FRMD3: variants seen among roughly 807,000 people sequenced by gnomAD.
FRMD3 encodes the protein FERM domain containing 3.
In FRMD3, 33 loss-of-function variants were observed where a neutral mutation model predicts 70.2. The ratio of observed to expected loss-of-function variants is 0.47; its 90% confidence interval spans 0.36 to 0.63. FRMD3 has a LOEUF of 0.63. Ranked by LOEUF, FRMD3 falls within the 20% of genes least tolerant of loss-of-function variation. FRMD3 has a pLI of 0.00. For missense variants in FRMD3, 632 were observed against 711.4 expected (o/e 0.89, Z 1.27); for synonymous variants, 279 against 255.9 (o/e 1.09, Z -0.86).
intron 4 of FRMD3, among the ~76,000 whole-genome samples, chr9:83,346,993 G>A (rs1823985173): frequency 6.6e-6 from 1 of 152,190 alleles, no homozygotes; most frequent in Non-Finnish European, 1.5e-5. Flanking sequence ...CAAATACCAT[G>A]AAGTTTCTTT....
At chr9:83,252,090 G>A (rs1321220578) in intron 13 of FRMD3, among the ~76,000 whole-genome samples, 1 of 152,068 alleles carries the variant, frequency 6.6e-6, no homozygotes, top group Non-Finnish European at 1.5e-5. Context: ...CTCCAAGTTC[G>A]AAATGAAAGA....
intron 13 of FRMD3, among the ~76,000 whole-genome samples, chr9:83,273,961 G>A (rs888472875): frequency 6.6e-6 from 1 of 152,056 alleles, no homozygotes; most frequent in Non-Finnish European, 1.5e-5. Context: ...AGGACTGTAA[G>A]TACACGCCAT....
rs1175048770 is a variant in FRMD3, at chr9:83,245,445, A to G, written c.*2473T>C. 2.0e-6 allele frequency: 2 copies of G among 985,190 alleles called. No individual in the cohort carries two copies. The highest frequency in any genetic ancestry group is 3.5e-5 in the African/African-American group (2 of 57,234). The allele number at this position is 985,190 out of a possible 1,614,324, so 61.0% of individuals were successfully genotyped here. ...CTTTTGATGGCTGTTTAAATTCAGCAGACCCTATTCTGTCAACTTCTTCAC... is the reference window on the plus strand; with the variant it reads ...CTTTTGATGGCTGTTTAAATTCAGCGGACCCTATTCTGTCAACTTCTTCAC... On this transcript the variant is annotated 3_prime_UTR_variant, in exon 14 of 14. Coordinates refer to ENST00000304195, the MANE Select transcript of FRMD3 (RefSeq NM_174938.6).
At chr9:83,372,694 G>A (rs766831228) in intron 3 of FRMD3, among the ~76,000 whole-genome samples, 16 of 152,060 alleles carry the variant, frequency 1.1e-4, no homozygotes, top group South Asian at 2.1e-4. Context: ...AGATGGGGGG[G>A]AGGGAGAGAG....
chr9:83,402,270 C>T (rs1281687266), intron 1 of FRMD3, among the ~76,000 whole-genome samples: 6 of 142,396 alleles, frequency 4.2e-5, no homozygotes, highest in African/African-American at 1.6e-4. Context: ...AGACAGAATT[C>T]CTCCTGAAAT....
chr9:83,583,003 C>T, the FRMD3 span, among the ~76,000 whole-genome samples: 1 of 152,174 alleles, frequency 6.6e-6, no homozygotes, highest in African/African-American at 2.4e-5. Context: ...AAAAACTGAA[C>T]TTATTCCACT....
chr9:83,529,294 G>T (rs1009063252), intron 1 of FRMD3, among the ~76,000 whole-genome samples: 3 of 152,186 alleles, frequency 2.0e-5, no homozygotes, highest in African/African-American at 7.2e-5. Context: ...GATAAAGTTA[G>T]ACCCCTACCT....
rs561209022 is a variant in FRMD3, at chr9:83,280,075, G to A, written c.1195+10528C>T. ...CAATGATCTAAAACCATGTAAATAAGAGCAGTAGCAATCTGGAGAAAGAAT... is the reference window on the plus strand; with the variant it reads ...CAATGATCTAAAACCATGTAAATAAAAGCAGTAGCAATCTGGAGAAAGAAT... On this transcript the variant is annotated intron_variant, in intron 13 of 13. Transcript: ENST00000304195. Among the ~76,000 whole-genome samples, 23 of 152,326 alleles carry A rather than the reference G, an allele frequency of 1.5e-4. No homozygotes were observed. In the East Asian group the frequency reaches 4.4e-3, roughly 29 times the overall value.
chr9:83,453,711 A>ATTTTTTTT (rs59376142), intron 1 of FRMD3, among the ~76,000 whole-genome samples: 1 of 115,088 alleles, frequency 8.7e-6, no homozygotes, highest in Non-Finnish European at 1.7e-5. Context: ...GTTTGTTTTA[A>ATTTTTTTT]TTTTTTTTTT....
At chr9:83,357,042 A>G (rs1408487693) in intron 3 of FRMD3, among the ~76,000 whole-genome samples, 1 of 150,556 alleles carries the variant, frequency 6.6e-6, no homozygotes, top group East Asian at 1.9e-4. Context: ...CAATTCCTGC[A>G]AATGCCATTA....
the FRMD3 span, among the ~76,000 whole-genome samples, chr9:83,550,687 A>AGTGTGTGTGTGTGTGT: frequency 7.6e-4 from 106 of 138,958 alleles, no homozygotes; most frequent in African/African-American, 1.5e-3. Context: ...AGTCCTAGGT[A>AGTGTGTGTGTGTGTGT]GTGTGTGTGT....
chr9:83,561,336 C>T, the FRMD3 span, among the ~76,000 whole-genome samples: 1 of 152,148 alleles, frequency 6.6e-6, no homozygotes, highest in African/African-American at 2.4e-5. Flanking sequence ...CACCACTGAG[C>T]CTCCCTTCCT....
rs78992291 is a variant in FRMD3, at chr9:83,291,859, T to G, written c.1071-1132A>C. The stretch of plus-strand genomic sequence containing the variant: ...GTGTTCCCTAGACCGGCTGCAGGAC[T>G]ACCTTCTAGCCTGAGTGTTTCTGTT... On this transcript the variant is annotated intron_variant, in intron 12 of 13. Coordinates refer to ENST00000304195, the MANE Select transcript of FRMD3 (RefSeq NM_174938.6). 5.3e-3 allele frequency among the ~76,000 whole-genome samples: 812 copies of G among 152,328 alleles called. 10 individuals carry two copies. Among genetic ancestry groups the G allele is most frequent in the African/African-American group, 0.017 (704 of 41,586 alleles).
At chr9:83,354,945 AG>A (rs1824287780) in intron 3 of FRMD3, among the ~76,000 whole-genome samples, 2 of 152,168 alleles carry the variant, frequency 1.3e-5, no homozygotes, top group Non-Finnish European at 2.9e-5. Flanking sequence ...TTGAACAAGG[AG>A]GTTGGGGGTC....
intron 1 of FRMD3, among the ~76,000 whole-genome samples, chr9:83,416,745 GTCTCTCTCTCTCTCTC>G (rs1184226415): frequency 6.8e-5 from 7 of 102,288 alleles, no homozygotes. Context: ...ATTTCTCTCT[GTCTCTCTCTCTCTCTC>G]TCTCTCTCTC....
chr9:83,484,672 C>T (rs1350725496), intron 1 of FRMD3, among the ~76,000 whole-genome samples: 1 of 152,160 alleles, frequency 6.6e-6, no homozygotes, highest in Non-Finnish European at 1.5e-5. Flanking sequence ...CCCACCTTGG[C>T]CTCTCAAAGT....
chr9:83,563,325 G>A, the FRMD3 span, among the ~76,000 whole-genome samples: 1 of 152,212 alleles, frequency 6.6e-6, no homozygotes, highest in Non-Finnish European at 1.5e-5. Flanking sequence ...AGTGCAGAGT[G>A]GGGGACTGTT....
At chr9:83,370,745 C>A (rs1221417229) in intron 3 of FRMD3, among the ~76,000 whole-genome samples, 1 of 152,094 alleles carries the variant, frequency 6.6e-6, no homozygotes, top group Admixed American at 6.6e-5. Context: ...AACCCGGTCT[C>A]TACTAAAAAT....
the FRMD3 span, among the ~76,000 whole-genome samples, chr9:83,565,295 C>T: frequency 6.6e-6 from 1 of 152,164 alleles, no homozygotes; most frequent in Admixed American, 6.5e-5. Flanking sequence ...CAAACCAGGT[C>T]ATCTCAAGCA....
Sources: allele counts gnomAD v4.1 joint callset (sites outside exome capture counted in the v4.1 genomes callset), GRCh38; gene constraint gnomAD v4.1.1; transcripts MANE v1.5; gene names NCBI Gene and HGNC (gene_info 2026-07-23, HGNC 2026-07-21).